Variants in PXK observed in about 807,000 individuals in gnomAD.
The protein encoded by PXK is PX domain containing serine/threonine kinase like.
A neutral mutation model predicts 84.7 loss-of-function variants in PXK; 35 were observed. The ratio of observed to expected loss-of-function variants is 0.41; its 90% CI spans 0.32 to 0.55. The LOEUF (loss-of-function observed/expected upper bound fraction) is 0.55. Ranked by LOEUF, PXK falls within the 20% of genes least tolerant of loss-of-function variation. The pLI is 0.21. For synonymous variants in PXK, 253 were observed against 260.8 expected (o/e 0.97, Z 0.29); for missense variants, 634 against 699.7 (o/e 0.91, Z 1.06).
chr3:58,397,472 G>GT lies in PXK; in HGVS notation c.985-131dup. On this transcript the variant is annotated intron_variant, in intron 10 of 17. Coordinates refer to ENST00000356151, the MANE Select transcript of PXK (RefSeq NM_017771.5). The surrounding 1 kb of genome is among the most constrained non-coding windows in gnomAD (Gnocchi z 4.7). The stretch of plus-strand genomic sequence containing the variant: ...ATGAGGTTTTACAGAAGGCTTTGGA[G>GT]TTGCATTTACGTTACCAATTAGGAA... The GT allele has an allele frequency of 1.2e-6, 1 of 852,948 alleles. No homozygotes were observed. The highest frequency in any genetic ancestry group is 2.0e-5 in the Admixed American group (1 of 50,878). The allele number at this position is 852,948 out of a possible 1,614,324, so 52.8% of individuals were successfully genotyped here.
intron 17 of PXK, 57 bp downstream of exon 17, chr3:58,413,020 G>A: frequency 6.4e-7 from 1 of 1,572,298 alleles, no homozygotes; most frequent in Admixed American, 1.7e-5. Flanking sequence ...GGAGGAGCGG[G>A]CTGTGCCTCT....
At chr3:58,391,410 T>C (rs1419290545) in intron 6 of PXK, among the ~76,000 whole-genome samples, 190 bp downstream of exon 6, 1 of 152,192 alleles carries the variant, frequency 6.6e-6, no homozygotes, top group African/African-American at 2.4e-5. Context: ...GCAATTATAT[T>C]TGGTCAACTA....
At chr3:58,402,972 C>T (rs1299287996) in intron 12 of PXK, among the ~76,000 whole-genome samples, 4 of 151,538 alleles carry the variant, frequency 2.6e-5, no homozygotes, top group Middle Eastern at 3.4e-3. Flanking sequence ...TAAATAGACC[C>T]GGTGTCTGTT....
Position 58,390,509 on chromosome 3 carries a change from C to A in PXK, c.389-73C>A. On this transcript the variant is annotated intron_variant, in intron 4 of 17. Coordinates refer to ENST00000356151, the MANE Select transcript of PXK (RefSeq NM_017771.5). This position sits in a 1 kb window ranked among gnomAD's most constrained non-coding sequence, Gnocchi z 4.2. Reference sequence around the variant, plus strand: ...TCATAGACTATAGGGATTTCATTTACAAGAATAATATCTTCAGCATATGGC... The same window carrying A: ...TCATAGACTATAGGGATTTCATTTAAAAGAATAATATCTTCAGCATATGGC... The A allele has an allele frequency of 9.0e-7, 1 of 1,105,504 alleles. No homozygotes were observed. The highest frequency in any genetic ancestry group is 1.7e-5 in the South Asian group (1 of 60,302). 68.5% of individuals were successfully genotyped at this position (1,105,504 alleles called of 1,614,324 possible).
At chr3:58,375,877 T>A (rs1234741874) in intron 3 of PXK, among the ~76,000 whole-genome samples, 2 of 152,230 alleles carry the variant, frequency 1.3e-5, no homozygotes, top group African/African-American at 4.8e-5. Flanking sequence ...TCTTCTGGAT[T>A]CTTTAATTAC....
At chr3:58,387,592 G>A (rs1008182734) in intron 4 of PXK, among the ~76,000 whole-genome samples, 4 of 152,160 alleles carry the variant, frequency 2.6e-5, no homozygotes, top group African/African-American at 4.8e-5. Flanking sequence ...ATTCCTACAC[G>A]GAGATCTGAG....
chr3:58,357,845 G>A (rs147041761), intron 1 of PXK, among the ~76,000 whole-genome samples: 1 of 152,222 alleles, frequency 6.6e-6, no homozygotes, highest in East Asian at 1.9e-4. Flanking sequence ...AGCTACTTGG[G>A]AAGCTGAGGC....
Position 58,414,889 on chromosome 3 carries a change from G to C in PXK, c.1528+1926G>C, listed in dbSNP as rs983617377. 1.3e-5 allele frequency among the ~76,000 whole-genome samples: 2 copies of C among 152,096 alleles called. No individual in the cohort carries two copies. Among genetic ancestry groups the C allele is most frequent in the African/African-American group, 4.8e-5 (2 of 41,392 alleles). On this transcript the variant is annotated intron_variant, in intron 17 of 17. Coordinates refer to ENST00000356151, the MANE Select transcript of PXK (RefSeq NM_017771.5). The surrounding 1 kb of genome is among the most constrained non-coding windows in gnomAD (Gnocchi z 4.5). ...TCAGGCCCTAAGCATTTCAACCCAA[G>C]GGAGTTTATTCATTTAAGAATAAAC...
chr3:58,361,713 A>G (rs1160908124), intron 1 of PXK, among the ~76,000 whole-genome samples: 1 of 152,104 alleles, frequency 6.6e-6, no homozygotes, highest in Non-Finnish European at 1.5e-5. Context: ...GTAGTATTTC[A>G]TGGTATGGAT....
In PXK at chr3:58,424,786, A is replaced by G. The variant is rs779097926; in HGVS notation, c.1563A>G (p.Pro521=). The change falls in exon 18 of 18, where the codon CCA becomes CCG. Residue 521 remains proline, a synonymous_variant. Transcript: ENST00000356151. ...CATTACCTCCACCTCCTCCACCTCC[A>G]CCACCACCAGCAGCTCCCTTGCCTC... The part of the protein sequence containing the change: ...ISALPPPPPP[P]PPPAAPLPPA... 1 of 1,613,816 alleles carries G rather than the reference A, an allele frequency of 6.2e-7. No individual in the cohort carries two copies. The highest frequency in any genetic ancestry group is 8.5e-7 in the Non-Finnish European group (1 of 1,179,934).
intron 1 of PXK, among the ~76,000 whole-genome samples, chr3:58,348,384 G>A (rs1237365417): frequency 1.3e-5 from 2 of 152,124 alleles, no homozygotes; most frequent in African/African-American, 2.4e-5. Context: ...TTGTGTGACC[G>A]TTTTCTCAGT....
In PXK at chr3:58,397,769, G is replaced by A. The variant is rs1445402606; in HGVS notation, c.1102+47G>A. On this transcript the variant is annotated intron_variant, in intron 11 of 17. Transcript: ENST00000356151. This position sits in a 1 kb window ranked among gnomAD's most constrained non-coding sequence, Gnocchi z 4.7. ...GTCTTCTGGGCCCTAGTAGTGTGCAGAGCCACTCATCCCCTTTCCAGAGTC... is the reference window on the plus strand; with the variant it reads ...GTCTTCTGGGCCCTAGTAGTGTGCAAAGCCACTCATCCCCTTTCCAGAGTC... 2 of 1,438,512 alleles carry A rather than the reference G, an allele frequency of 1.4e-6. No homozygotes were observed. The highest frequency in any genetic ancestry group is 2.0e-6 in the Non-Finnish European group (2 of 1,022,890). 89.1% of individuals were successfully genotyped at this position (1,438,512 alleles called of 1,614,324 possible).
chr3:58,343,859 G>A (rs772358927), intron 1 of PXK, among the ~76,000 whole-genome samples: 2 of 152,158 alleles, frequency 1.3e-5, no homozygotes, highest in African/African-American at 2.4e-5. Context: ...CCTGCCAAGC[G>A]GGTTACGGGG....
intron 3 of PXK, among the ~76,000 whole-genome samples, chr3:58,373,083 C>CTTTT (rs71091374): frequency 3.6e-5 from 5 of 139,274 alleles, no homozygotes; most frequent in East Asian, 2.1e-4. Flanking sequence ...TCCGTCATTT[C>CTTTT]TTTTTTTTTT....
intron 2 of PXK, among the ~76,000 whole-genome samples, 192 bp from the exon 3 acceptor site, chr3:58,369,239 C>T (rs1444097124): frequency 2.0e-5 from 3 of 152,222 alleles, no homozygotes; most frequent in East Asian, 3.8e-4. Context: ...CCAGCCAACG[C>T]TTGGCACTGC....
At chr3:58,424,266 AT>A (rs1289889290) in intron 17 of PXK, among the ~76,000 whole-genome samples, 2 of 152,166 alleles carry the variant, frequency 1.3e-5, no homozygotes, top group African/African-American at 2.4e-5. Context: ...TCCTTCAAAC[AT>A]TGTGTATGTT....
At chr3:58,353,292 C>T (rs549650019) in intron 1 of PXK, among the ~76,000 whole-genome samples, 143 of 152,196 alleles carry the variant, frequency 9.4e-4, no homozygotes, top group African/African-American at 3.3e-3. Context: ...CCACTGTGCC[C>T]GGTCTCTATG....
At position 58,382,689 on chromosome 3, in the gene PXK, C is replaced by T; in HGVS notation, c.377C>T (p.Ala126Val). ...TTTTTAGATCCAAACAACTATTCCGCAAACTATACTGGTAAGCGAAGGAAT... is the reference window on the plus strand; with the variant it reads ...TTTTTAGATCCAAACAACTATTCCGTAAACTATACTGGTAAGCGAAGGAAT... ...KKFLDPNNYS[A>V]NYTEIALQQV... The change falls in exon 4 of 18, where the codon GCA (alanine) becomes GTA (valine). Residue 126 changes from alanine to valine, a missense_variant. By Grantham distance (64) the Ala-to-Val change is moderately conservative. Transcript: ENST00000356151. The T allele has an allele frequency of 6.4e-7, 1 of 1,571,478 alleles. No individual in the cohort carries two copies. The highest frequency in any genetic ancestry group is 8.6e-7 in the Non-Finnish European group (1 of 1,163,414).
chr3:58,417,623 A>G (rs1398368598), intron 17 of PXK, among the ~76,000 whole-genome samples: 1 of 152,184 alleles, frequency 6.6e-6, no homozygotes, highest in Non-Finnish European at 1.5e-5. Context: ...TTCAGTAAGA[A>G]CATTCCTAGC....
Sources: allele counts gnomAD v4.1 joint callset (sites outside exome capture counted in the v4.1 genomes callset), GRCh38; gene constraint gnomAD v4.1.1; non-coding constraint Gnocchi (gnomAD v3.1); transcripts MANE v1.5; gene names NCBI Gene and HGNC (gene_info 2026-07-23, HGNC 2026-07-21).